Variants in NAAA observed in about 807,000 individuals in gnomAD.
NAAA encodes N-acylethanolamine-hydrolyzing acid amidase.
A neutral mutation model predicts 44.8 loss-of-function variants in NAAA; 39 were observed. That is an observed-to-expected ratio of 0.87 (90% CI 0.67 to 1.14). The LOEUF is 1.14. Ranked by LOEUF, NAAA falls within the 50% of genes most tolerant of loss-of-function variation. NAAA has a pLI of 0.00. For missense variants in NAAA, 460 were observed against 467.8 expected (o/e 0.98, Z 0.15); for synonymous variants, 178 against 191.3 (o/e 0.93, Z 0.58).
At chr4:75,915,289 C>A (rs945099473) in intron 9 of NAAA, among the ~76,000 whole-genome samples, 9 of 152,100 alleles carry the variant, frequency 5.9e-5, no homozygotes, top group Admixed American at 2.6e-4. Flanking sequence ...GCAGAGGTTG[C>A]ACTGAGCTGA....
At chr4:75,923,454 C>A (rs553200370) in intron 5 of NAAA, among the ~76,000 whole-genome samples, 2 of 152,024 alleles carry the variant, frequency 1.3e-5, no homozygotes, top group African/African-American at 4.8e-5. Flanking sequence ...GAAGCTTGCA[C>A]GGGTGAATGC....
At chr4:75,937,708 G>A (rs1323725212) in intron 2 of NAAA, among the ~76,000 whole-genome samples, 1 of 152,118 alleles carries the variant, frequency 6.6e-6, no homozygotes, top group African/African-American at 2.4e-5. Flanking sequence ...GGCTGGTCTC[G>A]AACTCCTGGG....
chr4:75,924,316 C>A (rs1434509863), intron 5 of NAAA, among the ~76,000 whole-genome samples: 1 of 152,230 alleles, frequency 6.6e-6, no homozygotes, highest in African/African-American at 2.4e-5. Flanking sequence ...TTATTAAGTA[C>A]GATAAGCGTT....
chr4:75,912,554 G>GAA (rs34332139), downstream of NAAA, among the ~76,000 whole-genome samples: 1,224 of 113,070 alleles, frequency 0.011, 17 homozygotes, highest in African/African-American at 0.038. Context: ...ACTCTGTCTG[G>GAA]AAAAAAAAAA....
At chr4:75,925,628 A>T (rs1726605033) in intron 5 of NAAA, 107 bp downstream of exon 5, 3 of 1,034,286 alleles carry the variant, frequency 2.9e-6, no homozygotes, top group Non-Finnish European at 4.4e-6. Flanking sequence ...TTAGATGCTT[A>T]TTCTTTTAAG....
chr4:75,923,670 G>T (rs1357057056), intron 5 of NAAA, among the ~76,000 whole-genome samples: 3 of 151,468 alleles, frequency 2.0e-5, no homozygotes, highest in Non-Finnish European at 2.9e-5. Context: ...CACCCAAGGG[G>T]CTGGGATTAC....
At chr4:75,932,384 C>A (rs1727303918) in intron 3 of NAAA, among the ~76,000 whole-genome samples, 1 of 152,130 alleles carries the variant, frequency 6.6e-6, no homozygotes, top group Non-Finnish European at 1.5e-5. Context: ...AATCCTTTAA[C>A]AAAGCTCTTT....
chr4:75,925,801 C>G lies in NAAA; in HGVS notation c.600G>C (p.Trp200Cys). ...GGGCAGCGATAGCATTCTCCCACCACCAGCCTTTATCTGCCAAGTTGAGTA... is the reference window on the plus strand; with the variant it reads ...GGGCAGCGATAGCATTCTCCCACCAGCAGCCTTTATCTGCCAAGTTGAGTA... ...TVSGDERDKG[W>C]WWENAIAALF... The change falls in exon 5 of 11, where the codon TGG (tryptophan) becomes TGC (cysteine). Residue 200 changes from tryptophan to cysteine, a missense_variant. Physicochemically the swap from Trp to Cys is radical, Grantham distance 215. Coordinates refer to ENST00000286733, the MANE Select transcript of NAAA (RefSeq NM_014435.4). 6.2e-7 allele frequency: 1 copy of G among 1,614,138 alleles called. No homozygotes were observed. Among genetic ancestry groups the G allele is most frequent in the Non-Finnish European group, 8.5e-7 (1 of 1,180,018 alleles).
At chr4:75,938,152 C>T (rs769558630) in intron 2 of NAAA, among the ~76,000 whole-genome samples, 1 of 152,156 alleles carries the variant, frequency 6.6e-6, no homozygotes, top group Non-Finnish European at 1.5e-5. Flanking sequence ...TCATGAAGTG[C>T]CTGGCACCCA....
chr4:75,913,821 G>A lies in NAAA; in HGVS notation c.*554C>T, dbSNP rs1379876001. 6 of 985,016 alleles carry A rather than the reference G, an allele frequency of 6.1e-6. No individual in the cohort carries two copies. Among genetic ancestry groups the A allele is most frequent in the East Asian group, 1.1e-4 (1 of 8,826 alleles). 61.0% of individuals were successfully genotyped at this position (985,016 alleles called of 1,614,324 possible). Reference sequence around the variant, plus strand: ...AGGGCCATAGGTTTTTCAATAAAACGTTAGAAACATTATAAAAAACGAGAC... The same window carrying A: ...AGGGCCATAGGTTTTTCAATAAAACATTAGAAACATTATAAAAAACGAGAC... On this transcript the variant is annotated 3_prime_UTR_variant, in exon 11 of 11. Transcript: ENST00000286733.
At chr4:75,923,671 C>T (rs1726387167) in intron 5 of NAAA, among the ~76,000 whole-genome samples, 1 of 151,138 alleles carries the variant, frequency 6.6e-6, no homozygotes, top group South Asian at 2.1e-4. Flanking sequence ...ACCCAAGGGG[C>T]TGGGATTACA....
chr4:75,912,410 C>T (rs548805799), downstream of NAAA, among the ~76,000 whole-genome samples: 6 of 151,952 alleles, frequency 3.9e-5, no homozygotes, highest in South Asian at 6.2e-4. Context: ...AAAAATTAGC[C>T]GGGCATGGTG....
At chr4:75,929,856 G>A (rs753652102) in intron 4 of NAAA, among the ~76,000 whole-genome samples, 2 of 152,140 alleles carry the variant, frequency 1.3e-5, no homozygotes, top group Non-Finnish European at 2.9e-5. Context: ...TTGGGAGGCC[G>A]AGGTGGGTGG....
chr4:75,928,818 C>G (rs532156306), intron 4 of NAAA, among the ~76,000 whole-genome samples: 1 of 150,478 alleles, frequency 6.6e-6, no homozygotes, highest in African/African-American at 2.4e-5. Context: ...GATGGAGTCT[C>G]GCTCTGTCGC....
At chr4:75,939,866 A>T in intron 2 of NAAA, 135 bp downstream of exon 2, 2 of 963,582 alleles carry the variant, frequency 2.1e-6, no homozygotes, top group Non-Finnish European at 3.1e-6. Flanking sequence ...AGAGGCAAAG[A>T]GGAAGCGCTG....
At position 75,913,884 on chromosome 4, in the gene NAAA, AAC is replaced by A. The variant is rs545799486; in HGVS notation, c.*489_*490del. The A allele has an allele frequency of 1.0e-6, 1 of 985,320 alleles. No homozygotes were observed. Among genetic ancestry groups the A allele is most frequent in the Non-Finnish European group, 1.2e-6 (1 of 829,806 alleles). 61.0% of individuals were successfully genotyped at this position (985,320 alleles called of 1,614,324 possible). A position where few individuals can be genotyped will look rare whatever the true frequency, so the allele number is the denominator to read the frequency against. ...GAAACACATGATCAAAGATCAGACT[AAC>A]ACACATTCAAACAGGCTTGGTTCGA... On this transcript the variant is annotated 3_prime_UTR_variant, in exon 11 of 11. Transcript: ENST00000286733.
chr4:75,929,897 C>A (rs1481034879), intron 4 of NAAA, among the ~76,000 whole-genome samples: 2 of 152,116 alleles, frequency 1.3e-5, no homozygotes, highest in Non-Finnish European at 2.9e-5. Flanking sequence ...CGAGACCAGC[C>A]TGGCCAACAT....
Position 75,914,923 on chromosome 4 carries a change from C to T in NAAA, c.1061G>A (p.Arg354Lys). Residue 354 changes from arginine to lysine, a missense_variant, in exon 10 of 11, where the codon AGA (arginine) becomes AAA (lysine). Coordinates refer to ENST00000286733, the MANE Select transcript of NAAA (RefSeq NM_014435.4). ...GCTGACTTACTTTCTACTCGGGTTT[C>T]TGATCCTAGTCATGTACTTGTCTGG... ...GSPDKYMTRI[R>K]NPSRK The T allele has an allele frequency of 6.2e-7, 1 of 1,614,158 alleles. No individual in the cohort carries two copies.
Position 75,940,852 on chromosome 4 carries a change from G to A in NAAA, c.98C>T (p.Ala33Val), listed in dbSNP as rs143643676. 25,435 of 1,584,136 alleles carry A rather than the reference G, an allele frequency of 0.016. 220 individuals carry two copies. Among genetic ancestry groups the A allele is most frequent in the Middle Eastern group, 0.04 (233 of 5,850 alleles). ...AGLSAASPPA[A>V]PRFNVSLDSV... ...GTCCAGGCTCACGTTGAAGCGCGGC[G>A]CTGCTGGGGGCGAGGCGGCTGACAG... Residue 33 changes from alanine to valine, a missense_variant, in exon 1 of 11, where the codon GCG becomes GTG. Ala to Val is a moderately conservative substitution (Grantham distance 64). Transcript: ENST00000286733.
Sources: allele counts gnomAD v4.1 joint callset (sites outside exome capture counted in the v4.1 genomes callset), GRCh38; gene constraint gnomAD v4.1.1; transcripts MANE v1.5; gene names NCBI Gene and HGNC (gene_info 2026-07-23, HGNC 2026-07-21).